Variants in DISP1 observed in about 807,000 individuals in gnomAD.
DISP1 encodes the protein protein dispatched homolog 1.
A neutral mutation model predicts 37.3 loss-of-function variants in DISP1; 30 were observed. That is an observed-to-expected ratio of 0.80 (90% CI 0.60 to 1.09). The LOEUF is 1.09. Among genes scored for constraint, DISP1 ranks in the 50% least tolerant of loss-of-function variants. DISP1 has a pLI of 0.00. For missense variants in DISP1, 1,598 were observed against 1,879.5 expected (o/e 0.85, Z 2.77); for synonymous variants, 634 against 690.2 (o/e 0.92, Z 1.28).
intron 1 of DISP1, among the ~76,000 whole-genome samples, chr1:222,818,746 C>T (rs1661921173): frequency 6.6e-6 from 1 of 152,108 alleles, no homozygotes; most frequent in Admixed American, 6.5e-5. Flanking sequence ...AAGGTAATCT[C>T]CTTTACTTAA....
intron 1 of DISP1, among the ~76,000 whole-genome samples, chr1:222,850,182 T>C (rs2125307241): frequency 6.6e-6 from 1 of 152,348 alleles, no homozygotes; most frequent in Non-Finnish European, 1.5e-5. Flanking sequence ...TAATAAATGC[T>C]GGCAGTAAAG....
chr1:222,845,065 CTT>C (rs1667825682), intron 1 of DISP1, among the ~76,000 whole-genome samples: 1 of 152,064 alleles, frequency 6.6e-6, no homozygotes, highest in South Asian at 2.1e-4. Context: ...GGTAAAATGA[CTT>C]TTTGTGATGT....
At chr1:222,819,171 T>A (rs1662074124) in intron 1 of DISP1, among the ~76,000 whole-genome samples, 1 of 152,188 alleles carries the variant, frequency 6.6e-6, no homozygotes, top group South Asian at 2.1e-4. Flanking sequence ...TTTCTCCTGC[T>A]CCAGCCATGT....
At chr1:222,920,746 G>A (rs562532465) in intron 1 of DISP1, among the ~76,000 whole-genome samples, 64 of 151,928 alleles carry the variant, frequency 4.2e-4, no homozygotes, top group Non-Finnish European at 6.2e-4. Context: ...GAAAAACTAC[G>A]TCTTCTCTGA....
At chr1:222,836,196 A>G (rs138457588) in intron 1 of DISP1, among the ~76,000 whole-genome samples, 1 of 152,292 alleles carries the variant, frequency 6.6e-6, no homozygotes, top group East Asian at 1.9e-4. Flanking sequence ...TTTTACTCTC[A>G]TGATGTTTGT....
rs1034307978 is a variant in DISP1 at position 222,843,714 on chromosome 1, A to G, written c.-159+28636A>G. Among the ~76,000 whole-genome samples the G allele has an allele frequency of 2.6e-5, 4 of 152,172 alleles. No homozygotes were observed. The East Asian group carries it at 7.7e-4, about 29-fold the overall frequency. ...TAAAAGTCCAGATTGAAGGCCAAGA[A>G]GTATTAAATCACAATAGCAATCAAA... On this transcript the variant is annotated intron_variant, in intron 1 of 8. Coordinates refer to ENST00000675850, the MANE Select transcript of DISP1 (RefSeq NM_001377229.1).
intron 1 of DISP1, among the ~76,000 whole-genome samples, chr1:222,845,673 T>A (rs1430570553): frequency 2.0e-5 from 3 of 152,214 alleles, no homozygotes; most frequent in African/African-American, 7.2e-5. Flanking sequence ...TTATTATGAC[T>A]GTGAACTGAT....
At chr1:222,983,531 C>T (rs919611433) in intron 4 of DISP1, among the ~76,000 whole-genome samples, 4 of 151,948 alleles carry the variant, frequency 2.6e-5, no homozygotes, top group African/African-American at 9.7e-5. Context: ...GCAGGAGAAT[C>T]GCTTGAACCT....
chr1:222,906,699 T>A (rs1671914802), intron 1 of DISP1, among the ~76,000 whole-genome samples: 1 of 152,246 alleles, frequency 6.6e-6, no homozygotes, highest in African/African-American at 2.4e-5. Context: ...GAGGCATGAA[T>A]AATCCACCCC....
At chr1:222,912,226 C>T (rs2125424197) in intron 1 of DISP1, among the ~76,000 whole-genome samples, 1 of 152,310 alleles carries the variant, frequency 6.6e-6, no homozygotes, top group African/African-American at 2.4e-5. Flanking sequence ...CCACTGTTTG[C>T]AAGAGGGCTT....
At chr1:222,846,892 T>C (rs554786511) in intron 1 of DISP1, among the ~76,000 whole-genome samples, 31 of 152,392 alleles carry the variant, frequency 2.0e-4, no homozygotes, top group African/African-American at 7.5e-4. Context: ...TTTTTTATGT[T>C]ATTGCATAGT....
intron 1 of DISP1, among the ~76,000 whole-genome samples, chr1:222,904,758 G>A (rs1254909410): frequency 1.3e-5 from 2 of 151,910 alleles, no homozygotes; most frequent in African/African-American, 2.4e-5. Context: ...AGTAGAGACG[G>A]GGTTTCACCA....
intron 2 of DISP1, among the ~76,000 whole-genome samples, chr1:222,934,253 G>A (rs1049831023): frequency 6.6e-6 from 1 of 152,044 alleles, no homozygotes; most frequent in Non-Finnish European, 1.5e-5. Context: ...ATGCAATTTG[G>A]ATTAGCTACT....
At chr1:222,838,264 T>G (rs1317615554) in intron 1 of DISP1, among the ~76,000 whole-genome samples, 1 of 152,176 alleles carries the variant, frequency 6.6e-6, no homozygotes, top group African/African-American at 2.4e-5. Context: ...TTACTGTTTT[T>G]CTATAACTTG....
intron 3 of DISP1, among the ~76,000 whole-genome samples, chr1:222,968,933 C>CA (rs909779581): frequency 1.5e-4 from 22 of 147,460 alleles, no homozygotes; most frequent in East Asian, 4.0e-4. Context: ...AACTCTGTCT[C>CA]AAAAAAAAAG....
intron 1 of DISP1, among the ~76,000 whole-genome samples, chr1:222,904,683 TC>T (rs1477610635): frequency 1.3e-5 from 2 of 151,954 alleles, no homozygotes; most frequent in East Asian, 3.9e-4. Flanking sequence ...TTCTTCTACC[TC>T]AGTCTCCTGA....
intron 1 of DISP1, among the ~76,000 whole-genome samples, chr1:222,884,166 G>A (rs1572420469): frequency 1.3e-5 from 2 of 151,748 alleles, no homozygotes; most frequent in East Asian, 3.9e-4. Flanking sequence ...CCTTCACCTG[G>A]CCCAGGGATT....
intron 1 of DISP1, among the ~76,000 whole-genome samples, chr1:222,926,830 A>G (rs1452815470): frequency 6.6e-6 from 1 of 152,122 alleles, no homozygotes; most frequent in Non-Finnish European, 1.5e-5. Flanking sequence ...CCTGGCACTA[A>G]ATCGACCGCA....
At chr1:222,992,766 C>G (rs1183581469) in intron 7 of DISP1, among the ~76,000 whole-genome samples, 1 of 151,542 alleles carries the variant, frequency 6.6e-6, no homozygotes, top group Non-Finnish European at 1.5e-5. Context: ...TCTGCCCTGT[C>G]GAAAGAAATC....
Sources: gnomAD v4.1 joint callset for allele counts (sites outside exome capture counted in the v4.1 genomes callset) on GRCh38, gnomAD v4.1.1 for gene constraint, MANE v1.5 for transcripts, NCBI Gene and HGNC (gene_info 2026-07-23, HGNC 2026-07-21) for gene names.